PDE3B: variants seen among roughly 807,000 people sequenced by gnomAD.
The protein encoded by PDE3B is cGMP-inhibited 3',5'-cyclic phosphodiesterase 3B.
Under a neutral mutation model 116.8 loss-of-function variants are expected in PDE3B, and 66 were observed. The ratio of observed to expected loss-of-function variants is 0.56; its 90% CI spans 0.46 to 0.69. PDE3B has a LOEUF of 0.69. Among genes scored for constraint, PDE3B ranks in the 30% least tolerant of loss-of-function variants. The probability of loss-of-function intolerance (pLI) is 0.00; values close to 1 mark genes in which losing one functional copy is unlikely to be tolerated. For synonymous variants in PDE3B, 595 were observed against 533.6 expected (o/e 1.12, Z -1.59); for missense variants, 1,384 against 1,368.1 (o/e 1.01, Z -0.18).
At chr11:14,751,903 A>C (rs1238520847) in intron 1 of PDE3B, among the ~76,000 whole-genome samples, 1 of 152,112 alleles carries the variant, frequency 6.6e-6, no homozygotes, top group Non-Finnish European at 1.5e-5. Flanking sequence ...TAACAGGCTG[A>C]GTGGGACATT....
chr11:14,812,814 G>T (rs1859189345), intron 5 of PDE3B, among the ~76,000 whole-genome samples: 1 of 152,152 alleles, frequency 6.6e-6, no homozygotes, highest in Non-Finnish European at 1.5e-5. Context: ...GCTGTAAACT[G>T]CATATTCATA....
In PDE3B at chr11:14,748,788, G is replaced by A. The variant is rs529548811; in HGVS notation, c.979-23149G>A. Among the ~76,000 whole-genome samples the A allele has an allele frequency of 4.0e-5, 6 of 151,874 alleles. 1 individual carries two copies. In the South Asian group the frequency reaches 1.3e-3, roughly 32 times the overall value. On this transcript the variant is annotated intron_variant, in intron 1 of 15. Coordinates refer to ENST00000282096, the MANE Select transcript of PDE3B (RefSeq NM_000922.4). Reference sequence around the variant, plus strand: ...ACTATAGTTAAGGTAAAAAGATAATGGTCTTTCTCGTCATTGTTGAAATAC... The same window carrying A: ...ACTATAGTTAAGGTAAAAAGATAATAGTCTTTCTCGTCATTGTTGAAATAC...
rs1879891 is a variant in PDE3B, at chr11:14,645,162, A to T, written c.978+109A>T. 2.3e-4 allele frequency: 65 copies of T among 285,386 alleles called. No individual in the cohort carries two copies. In the East Asian group the frequency reaches 7.0e-3, roughly 31 times the overall value. The allele number at this position is 285,386 out of a possible 1,614,324, so 17.7% of individuals were successfully genotyped here. A position where few individuals can be genotyped will look rare whatever the true frequency, so the allele number is the denominator to read the frequency against. ...AAAGCATGTTAACTTTCAGAATGGA[A>T]AAAGGGTGTGTTGCGGGGGGGGGGG... On this transcript the variant is annotated intron_variant, in intron 1 of 15. Coordinates refer to ENST00000282096, the MANE Select transcript of PDE3B (RefSeq NM_000922.4).
chr11:14,732,615 C>A (rs1350919615), intron 1 of PDE3B, among the ~76,000 whole-genome samples: 5 of 152,062 alleles, frequency 3.3e-5, no homozygotes, highest in Non-Finnish European at 7.4e-5. Context: ...TCTGTGTTTG[C>A]CAAATCAAAC....
At chr11:14,646,173 C>T (rs1242113788) in intron 1 of PDE3B, among the ~76,000 whole-genome samples, 4 of 152,196 alleles carry the variant, frequency 2.6e-5, no homozygotes, top group African/African-American at 7.2e-5. Context: ...ATATGCTTTA[C>T]ACTGGGAGCC....
chr11:14,652,597 T>C (rs1853600018), intron 1 of PDE3B, among the ~76,000 whole-genome samples: 1 of 152,176 alleles, frequency 6.6e-6, no homozygotes, highest in Non-Finnish European at 1.5e-5. Context: ...TACAGTTCAG[T>C]GGTGTTAAGT....
At chr11:14,731,341 T>C (rs10832295) in intron 1 of PDE3B, among the ~76,000 whole-genome samples, 95,598 of 149,734 alleles carry the variant, frequency 0.64, 30,642 homozygotes, top group Middle Eastern at 0.71. Flanking sequence ...TCACTGCAAG[T>C]TCCGCGTCCC....
At chr11:14,686,356 C>A (rs571832777) in intron 1 of PDE3B, among the ~76,000 whole-genome samples, 9 of 152,210 alleles carry the variant, frequency 5.9e-5, no homozygotes, top group African/African-American at 2.2e-4. Flanking sequence ...TATTTCATAA[C>A]CTTTGTAATA....
At position 14,778,117 on chromosome 11, in the gene PDE3B, G is replaced by A. The variant is rs181640384; in HGVS notation, c.1029+6130G>A. On this transcript the variant is annotated intron_variant, in intron 2 of 15. Transcript: ENST00000282096. ...CTGCAAAGCAGCAGCGAGGCTGGGG[G>A]AGGGGTGCCCACCATTGCTGAGGCT... Among the ~76,000 whole-genome samples the A allele has an allele frequency of 1.2e-4, 18 of 152,322 alleles. 1 individual carries two copies. The East Asian group carries it at 3.5e-3, about 29-fold the overall frequency.
chr11:14,737,352 C>T (rs568523414), intron 1 of PDE3B, among the ~76,000 whole-genome samples: 1 of 152,288 alleles, frequency 6.6e-6, no homozygotes, highest in Admixed American at 6.5e-5. Flanking sequence ...CGCCCTGCCA[C>T]TATGCCCAGC....
chr11:14,702,912 CT>C (rs946772757), intron 1 of PDE3B, among the ~76,000 whole-genome samples: 5 of 151,890 alleles, frequency 3.3e-5, no homozygotes, highest in African/African-American at 1.2e-4. Context: ...TACTGACTCC[CT>C]GTCACTTATG....
chr11:14,843,911 T>TGTC lies in PDE3B; in HGVS notation c.2406_2408dup (p.Ser804dup). On this transcript the variant is annotated inframe_insertion, in exon 12 of 16. Coordinates refer to ENST00000282096, the MANE Select transcript of PDE3B (RefSeq NM_000922.4). ...AATCCTGATGAGAGTTATGGCTGCC[T>TGTC]GTCTTCAAACATTCCTGCATTAGAA... 8.7e-6 allele frequency: 14 copies of TGTC among 1,614,094 alleles called. No homozygotes were observed. The highest frequency in any genetic ancestry group is 1.2e-5 in the Non-Finnish European group (14 of 1,179,930).
At chr11:14,741,449 A>G (rs1325226169) in intron 1 of PDE3B, among the ~76,000 whole-genome samples, 3 of 151,776 alleles carry the variant, frequency 2.0e-5, no homozygotes, top group Non-Finnish European at 2.9e-5. Context: ...TTGCTTGGTA[A>G]ATATTCTGCT....
intron 12 of PDE3B, among the ~76,000 whole-genome samples, chr11:14,854,095 T>G (rs1175155807): frequency 6.6e-6 from 1 of 152,208 alleles, no homozygotes; most frequent in Non-Finnish European, 1.5e-5. Context: ...AAAAGTTTTT[T>G]TTATAACATT....
At chr11:14,708,910 G>A (rs1198172059) in intron 1 of PDE3B, among the ~76,000 whole-genome samples, 3 of 152,016 alleles carry the variant, frequency 2.0e-5, no homozygotes, top group African/African-American at 7.2e-5. Context: ...CACCTCTTCT[G>A]TAAGTTTAAA....
At chr11:14,690,872 A>G (rs1017843033) in intron 1 of PDE3B, among the ~76,000 whole-genome samples, 3 of 152,296 alleles carry the variant, frequency 2.0e-5, no homozygotes, top group South Asian at 4.1e-4. Context: ...AGAAAGTGGC[A>G]GTAGAGTCCA....
At chr11:14,728,540 C>T (rs1193708097) in intron 1 of PDE3B, among the ~76,000 whole-genome samples, 2 of 152,098 alleles carry the variant, frequency 1.3e-5, no homozygotes, top group South Asian at 2.1e-4. Context: ...AGAAGTCTTT[C>T]GAGGTATTAT....
the PDE3B span, among the ~76,000 whole-genome samples, chr11:14,883,992 C>T: frequency 7.2e-5 from 11 of 152,166 alleles, no homozygotes; most frequent in African/African-American, 2.4e-4. Flanking sequence ...TACCATCTCA[C>T]ACCAGTTAGA....
chr11:14,872,269 G>T (rs527724747), downstream of PDE3B, among the ~76,000 whole-genome samples: 4 of 152,266 alleles, frequency 2.6e-5, no homozygotes, highest in East Asian at 7.7e-4. Context: ...ATTAATATAA[G>T]CTGCTCTAGA....
Sources: gnomAD v4.1 joint callset for allele counts (sites outside exome capture counted in the v4.1 genomes callset) on GRCh38, gnomAD v4.1.1 for gene constraint, MANE v1.5 for transcripts, NCBI Gene and HGNC (gene_info 2026-07-23, HGNC 2026-07-21) for gene names.